PCDHGA10: variants seen among roughly 807,000 people sequenced by gnomAD.
PCDHGA10 encodes the protein protocadherin gamma subfamily A, 10, also known as protocadherin gamma-A10.
In PCDHGA10, 42 loss-of-function variants were observed where a neutral mutation model predicts 59.5. The observed-to-expected ratio is 0.71, with a 90% CI of 0.55 to 0.91. PCDHGA10 has a LOEUF of 0.91. Ranked by LOEUF, PCDHGA10 falls within the 40% of genes least tolerant of loss-of-function variation. The pLI, the probability that PCDHGA10 is intolerant of heterozygous loss-of-function variation, is 0.00. For synonymous variants in PCDHGA10, 511 were observed against 517.2 expected, an observed-to-expected ratio of 0.99 and a Z score of 0.16; for missense variants, 1,111 against 1,198.2, an observed-to-expected ratio of 0.93 and a Z score of 1.07.
chr5:141,507,023 C>T (rs971356315), intron 3 of PCDHGA10: 16 of 152,348 alleles, frequency 1.1e-4, no homozygotes, highest in African/African-American at 2.4e-4. Flanking sequence ...AAGGCACTTG[C>T]CCCAGGGTCC....
chr5:141,457,111 G>A (rs922281700), intron 1 of PCDHGA10, among the ~76,000 whole-genome samples: 4 of 152,120 alleles, frequency 2.6e-5, no homozygotes, highest in South Asian at 2.1e-4. Flanking sequence ...AGCAAAATAC[G>A]ACAGCAATGG....
At chr5:141,450,046 G>A (rs1390669307) in intron 1 of PCDHGA10, among the ~76,000 whole-genome samples, 4 of 121,108 alleles carry the variant, frequency 3.3e-5, no homozygotes, top group Admixed American at 1.1e-4. Context: ...TCACTCTTTC[G>A]CCCAGGCTGG....
In PCDHGA10 at chr5:141,413,318, T is replaced by C; in HGVS notation, c.143T>C (p.Phe48Ser). 6.2e-7 allele frequency: 1 copy of C among 1,613,968 alleles called. No individual in the cohort carries two copies. Among genetic ancestry groups the C allele is most frequent in the Non-Finnish European group, 8.5e-7 (1 of 1,179,902 alleles). Residue 48 changes from phenylalanine (F) to serine (S), a missense_variant, in exon 1 of 4, where the codon TTC (phenylalanine) becomes TCC (serine). Phe to Ser is a radical substitution (Grantham distance 155). Coordinates refer to ENST00000398610, the MANE Select transcript of PCDHGA10 (RefSeq NM_018913.3). ...SIPEELEKGSFVGNISKDLGL... is the reference protein window; with the variant it reads ...SIPEELEKGSSVGNISKDLGL... ...CCTGAGGAATTAGAGAAAGGCTCTT[T>C]CGTGGGCAACATCTCCAAGGACTTG...
At chr5:141,426,946 C>T (rs565370434) in intron 1 of PCDHGA10, 5 of 456,668 alleles carry the variant, frequency 1.1e-5, no homozygotes, top group Non-Finnish European at 2.2e-5. Context: ...CCAGTCCCAA[C>T]TGGCACTGCT....
At chr5:141,428,196 C>A in intron 1 of PCDHGA10, 2 of 1,383,704 alleles carry the variant, frequency 1.4e-6, no homozygotes, top group Non-Finnish European at 2.0e-6. Context: ...CCGCTCTCTG[C>A]GCCGCTACGC....
intron 3 of PCDHGA10, among the ~76,000 whole-genome samples, chr5:141,506,700 G>GT (rs1446452157): frequency 2.0e-5 from 3 of 152,138 alleles, no homozygotes; most frequent in Admixed American, 1.3e-4. Context: ...ACCCAAACCC[G>GT]TTTTTTACTG....
Position 141,413,756 on chromosome 5 carries a change from A to G in PCDHGA10, c.581A>G (p.Lys194Arg). ...GTTCAGAGCCGTGCCAATGGCGTCA[A>G]GTACCCGGAGCTGGTACTGGAGCAC... The part of the protein sequence containing the change: ...LRVQSRANGV[K>R]YPELVLEHSL... The change falls in exon 1 of 4, where the codon AAG becomes AGG. Residue 194 changes from lysine to arginine, a missense_variant. Coordinates refer to ENST00000398610, the MANE Select transcript of PCDHGA10 (RefSeq NM_018913.3). The G allele has an allele frequency of 6.2e-7, 1 of 1,613,042 alleles. No homozygotes were observed. Among genetic ancestry groups the G allele is most frequent in the South Asian group, 1.1e-5 (1 of 91,070 alleles).
At chr5:141,446,697 C>T (rs1254994356) in intron 1 of PCDHGA10, among the ~76,000 whole-genome samples, 9 of 152,134 alleles carry the variant, frequency 5.9e-5, no homozygotes, top group Admixed American at 5.9e-4. Context: ...AGGCTGGTCT[C>T]GAACTCTGAT....
chr5:141,486,653 C>G lies in PCDHGA10; in HGVS notation c.2437-8154C>G. On this transcript the variant is annotated intron_variant, in intron 1 of 3. Transcript: ENST00000398610. This position sits in a 1 kb window ranked among gnomAD's most constrained non-coding sequence, Gnocchi z 5.0. ...CTTGAATGCGCTTATCTCCTACTCA[C>G]TCCTGGAGCCCAGGAATCGAGATGT... is the stretch of plus-strand genomic sequence containing the variant. 1 of 1,613,968 alleles carries G rather than the reference C, an allele frequency of 6.2e-7. No individual in the cohort carries two copies. Among genetic ancestry groups the G allele is most frequent in the Non-Finnish European group, 8.5e-7 (1 of 1,180,034 alleles).
intron 1 of PCDHGA10, chr5:141,427,310 C>A (rs989300491): frequency 2.2e-5 from 10 of 456,738 alleles, no homozygotes; most frequent in African/African-American, 1.8e-4. Flanking sequence ...ATGACAATGC[C>A]CCAGACGTGG....
intron 1 of PCDHGA10, 161 bp downstream of exon 1, chr5:141,415,772 T>TTTA (rs1561760673): frequency 5.3e-6 from 7 of 1,332,980 alleles, no homozygotes; most frequent in Non-Finnish European, 6.7e-6. Flanking sequence ...TTTTTTTTTT[T>TTTA]ACTTTCTGGT....
Position 141,432,036 on chromosome 5 carries a change from AC to A in PCDHGA10, c.2436+16427del, listed in dbSNP as rs1419691535. The A allele has an allele frequency of 6.2e-7, 1 of 1,614,218 alleles. No individual in the cohort carries two copies. The highest frequency in any genetic ancestry group is 1.3e-5 in the African/African-American group (1 of 75,048). On this transcript the variant is annotated intron_variant, in intron 1 of 3. Coordinates refer to ENST00000398610, the MANE Select transcript of PCDHGA10 (RefSeq NM_018913.3). This position sits in a 1 kb window ranked among gnomAD's most constrained non-coding sequence, Gnocchi z 6.0. ...TACAACATCACAGTGACCGCCACTG[AC>A]CGGGGAACCCCGCCCCTATCCACGG...
chr5:141,457,806 G>A (rs1321207711), intron 1 of PCDHGA10, among the ~76,000 whole-genome samples: 1 of 152,150 alleles, frequency 6.6e-6, no homozygotes, highest in Non-Finnish European at 1.5e-5. Context: ...CTCCTCTTGA[G>A]GTCCCAAGAT....
chr5:141,494,236 T>C (rs1384800217), intron 1 of PCDHGA10, among the ~76,000 whole-genome samples: 7 of 152,128 alleles, frequency 4.6e-5, no homozygotes, highest in Non-Finnish European at 1.0e-4. Flanking sequence ...AAATTAATAA[T>C]GTATTTAGCT....
chr5:141,430,639 A>C, intron 1 of PCDHGA10: 6 of 900,712 alleles, frequency 6.7e-6, no homozygotes, highest in Non-Finnish European at 9.7e-6. Context: ...CATCCCTGGG[A>C]GTATGTGGAA....
At chr5:141,504,352 G>A (rs2099837588) in intron 2 of PCDHGA10, among the ~76,000 whole-genome samples, 3 of 152,016 alleles carry the variant, frequency 2.0e-5, no homozygotes, top group Admixed American at 1.3e-4. Flanking sequence ...TTTGTGCTAG[G>A]TGCTTCAGTA....
intron 1 of PCDHGA10, among the ~76,000 whole-genome samples, chr5:141,439,168 G>C (rs2098092980): frequency 6.6e-6 from 1 of 150,792 alleles, no homozygotes; most frequent in Non-Finnish European, 1.5e-5. Context: ...ACTCCAGCCT[G>C]GGCGACATAG....
chr5:141,465,893 C>T (rs926928579), intron 1 of PCDHGA10, among the ~76,000 whole-genome samples: 23 of 152,078 alleles, frequency 1.5e-4, no homozygotes, highest in Middle Eastern at 3.4e-3. Context: ...GAGGCCGAGG[C>T]GGGCAAATCA....
chr5:141,435,855 G>A (rs1164301394), intron 1 of PCDHGA10, among the ~76,000 whole-genome samples: 1 of 152,006 alleles, frequency 6.6e-6, no homozygotes, highest in Non-Finnish European at 1.5e-5. Flanking sequence ...AGATACAATA[G>A]TTAAAACCCA....
Sources: allele counts gnomAD v4.1 joint callset (sites outside exome capture counted in the v4.1 genomes callset), GRCh38; gene constraint gnomAD v4.1.1; non-coding constraint Gnocchi (gnomAD v3.1); transcripts MANE v1.5; gene names NCBI Gene and HGNC (gene_info 2026-07-23, HGNC 2026-07-21).